The following MYLIP variants were observed in gnomAD, a reference collection of about 807,000 sequenced individuals.
MYLIP encodes E3 ubiquitin-protein ligase MYLIP.
Under a neutral mutation model 45.8 loss-of-function variants are expected in MYLIP, and 26 were observed. That is an observed-to-expected ratio of 0.57 (90% CI 0.42 to 0.79). The LOEUF (loss-of-function observed/expected upper bound fraction) is 0.79, where lower values mean the gene tolerates loss of function less well. Ranked by LOEUF, MYLIP falls within the 30% of genes least tolerant of loss-of-function variation. MYLIP has a pLI of 0.00. For synonymous variants in MYLIP, 213 were observed against 218.1 expected (o/e 0.98, Z 0.21); for missense variants, 494 against 555.6 (o/e 0.89, Z 1.11).
At chr6:16,144,625 C>T (rs1759745426) in intron 5 of MYLIP, among the ~76,000 whole-genome samples, 1 of 152,226 alleles carries the variant, frequency 6.6e-6, no homozygotes, top group Non-Finnish European at 1.5e-5. Context: ...TAAGCAACTT[C>T]ACTCAGTAGC....
rs758106307 is a variant in MYLIP, at chr6:16,135,593, G to T, written c.278+4846G>T. 2.4e-4 allele frequency among the ~76,000 whole-genome samples: 37 copies of T among 151,902 alleles called. 1 individual carries two copies. The highest frequency in any genetic ancestry group is 5.2e-4 in the Admixed American group (8 of 15,256). ...GAAGTAGATAGATGTGGTGGTTCAC[G>T]TTAGATATGGCTAGTTACTTGAATC... is the stretch of plus-strand genomic sequence containing the variant. On this transcript the variant is annotated intron_variant, in intron 2 of 6. Transcript: ENST00000356840.
the MYLIP span, among the ~76,000 whole-genome samples, chr6:16,162,586 G>A: frequency 6.6e-6 from 1 of 152,068 alleles, no homozygotes; most frequent in East Asian, 1.9e-4. Context: ...TTTAAGGAAT[G>A]TGAGTTTCTC....
At position 16,143,005 on chromosome 6, in the gene MYLIP, CT is replaced by C; in HGVS notation, c.465-13del. On this transcript the variant is annotated splice_polypyrimidine_tract_variant and intron_variant, in intron 3 of 6. Transcript: ENST00000356840. ...ATCTGTATACTTAATTCTCTGTCCT[CT>C]TGGTGTCCTCCAGCATTGTTGCAAA... 6.2e-7 allele frequency: 1 copy of C among 1,610,912 alleles called. No homozygotes were observed. The highest frequency in any genetic ancestry group is 8.5e-7 in the Non-Finnish European group (1 of 1,178,130).
At chr6:16,146,411 C>T (rs774406141) in intron 6 of MYLIP, among the ~76,000 whole-genome samples, 1 of 152,194 alleles carries the variant, frequency 6.6e-6, no homozygotes, top group Non-Finnish European at 1.5e-5. Context: ...CCTTCTTTAG[C>T]GTTTCACTAA....
At chr6:16,158,828 C>T in the MYLIP span, among the ~76,000 whole-genome samples, 1 of 152,176 alleles carries the variant, frequency 6.6e-6, no homozygotes, top group Non-Finnish European at 1.5e-5. Context: ...CGAGATCGCG[C>T]CACTGCACTC....
intron 2 of MYLIP, among the ~76,000 whole-genome samples, chr6:16,134,048 C>A (rs189221319): frequency 1.3e-5 from 2 of 152,214 alleles, no homozygotes; most frequent in South Asian, 2.1e-4. Flanking sequence ...GTTTCCCTAG[C>A]CTTGCTTGGG....
chr6:16,143,637 C>A, intron 4 of MYLIP, 62 bp from the exon 5 acceptor site: 1 of 1,566,294 alleles, frequency 6.4e-7, no homozygotes, highest in Non-Finnish European at 8.7e-7. Flanking sequence ...CCCACAAAGG[C>A]ACACACATGG....
In MYLIP at chr6:16,145,279, C is replaced by A; in HGVS notation, c.1210C>A (p.His404Asn). The A allele has an allele frequency of 6.2e-7, 1 of 1,608,382 alleles. No individual in the cohort carries two copies. The change falls in exon 6 of 7, where the codon CAC (histidine) becomes AAC (asparagine). Residue 404 changes from histidine (H) to asparagine (N), a missense_variant. Physicochemically the swap from His to Asn is moderately conservative, Grantham distance 68. Coordinates refer to ENST00000356840, the MANE Select transcript of MYLIP (RefSeq NM_013262.4). ...CAACTCCACCTTCTGTCCCTGTGGCCACACTGTGTGCTGTGAGAGCTGCGC... is the reference window on the plus strand; with the variant it reads ...CAACTCCACCTTCTGTCCCTGTGGCAACACTGTGTGCTGTGAGAGCTGCGC... ...EINSTFCPCG[H>N]TVCCESCAAQ...
At chr6:16,142,736 A>C (rs532773127) in intron 3 of MYLIP, among the ~76,000 whole-genome samples, 19 of 152,298 alleles carry the variant, frequency 1.2e-4, no homozygotes, top group African/African-American at 3.8e-4. Flanking sequence ...CCAATATGTA[A>C]ATTTGACTTA....
At chr6:16,144,459 C>T (rs746214444) in intron 5 of MYLIP, among the ~76,000 whole-genome samples, 9 of 152,176 alleles carry the variant, frequency 5.9e-5, no homozygotes, top group Admixed American at 1.3e-4. Context: ...ATTGGACTCA[C>T]GTATTTGGAC....
chr6:16,159,456 C>T, the MYLIP span, among the ~76,000 whole-genome samples: 3 of 152,176 alleles, frequency 2.0e-5, no homozygotes, highest in Non-Finnish European at 2.9e-5. Flanking sequence ...AAGCTGCTCT[C>T]GCTGGACGGT....
Position 16,143,329 on chromosome 6 carries a change from G to A in MYLIP, c.662+112G>A, listed in dbSNP as rs1249082148. The A allele has an allele frequency of 3.7e-6, 4 of 1,088,718 alleles. No homozygotes were observed. The Admixed American group carries it at 8.4e-5, about 23-fold the overall frequency. 67.4% of individuals were successfully genotyped at this position (1,088,718 alleles called of 1,614,324 possible). A position where few individuals can be genotyped will look rare whatever the true frequency, so the allele number is the denominator to read the frequency against. ...CGACAGTCAGCTCTTAGGAATGAAA[G>A]ATTTCATTTTGGTATGTACATTAAT... On this transcript the variant is annotated intron_variant, in intron 4 of 6. Transcript: ENST00000356840.
At chr6:16,142,669 G>T (rs529228225) in intron 3 of MYLIP, among the ~76,000 whole-genome samples, 9 of 152,196 alleles carry the variant, frequency 5.9e-5, no homozygotes, top group African/African-American at 2.2e-4. Context: ...GGCCACAGGG[G>T]CCTCAGGGGT....
At chr6:16,149,301 A>G (rs1261347933), downstream of MYLIP, among the ~76,000 whole-genome samples, 1 of 152,206 alleles carries the variant, frequency 6.6e-6, no homozygotes, top group Non-Finnish European at 1.5e-5. Context: ...GACCATATGG[A>G]CGCCTTAAGC....
chr6:16,145,302 C>T lies in MYLIP; in HGVS notation c.1233C>T (p.Cys411=), dbSNP rs148878853. 273 of 1,590,042 alleles carry T rather than the reference C, an allele frequency of 1.7e-4. 3 individuals carry two copies. The Middle Eastern group carries it at 1.8e-3, about 10-fold the overall frequency. Residue 411 remains cysteine (C), a synonymous_variant, in exon 6 of 7, where the codon TGC becomes TGT. Transcript: ENST00000356840. ...GCCACACTGTGTGCTGTGAGAGCTG[C>T]GCCGCCCAGCTACAGGTAGGGGAGT... is the stretch of plus-strand genomic sequence containing the variant. ...PCGHTVCCES[C]AAQLQSCPVC...
intron 2 of MYLIP, among the ~76,000 whole-genome samples, chr6:16,140,508 C>T (rs1428942146): frequency 6.6e-6 from 1 of 152,110 alleles, no homozygotes; most frequent in Non-Finnish European, 1.5e-5. Flanking sequence ...CTTAAGAAGT[C>T]ATACATAATA....
the MYLIP span, among the ~76,000 whole-genome samples, chr6:16,157,373 G>A: frequency 6.6e-6 from 1 of 152,216 alleles, no homozygotes. Flanking sequence ...CATATGCCTA[G>A]ATTACAATAG....
At chr6:16,158,727 G>A in the MYLIP span, among the ~76,000 whole-genome samples, 70 of 152,170 alleles carry the variant, frequency 4.6e-4, no homozygotes, top group African/African-American at 1.1e-3. Flanking sequence ...AAAATTAGCC[G>A]CGCGTGGTGG....
the MYLIP span, among the ~76,000 whole-genome samples, chr6:16,159,892 C>G: frequency 1.5e-4 from 23 of 152,314 alleles, no homozygotes; most frequent in Non-Finnish European, 3.2e-4. Flanking sequence ...GAATGGTCAC[C>G]TGAGCAAGGG....
Sources: allele counts gnomAD v4.1 joint callset (sites outside exome capture counted in the v4.1 genomes callset), GRCh38; gene constraint gnomAD v4.1.1; transcripts MANE v1.5; gene names NCBI Gene and HGNC (gene_info 2026-07-23, HGNC 2026-07-21).